The following ARHGAP8 variants were observed in gnomAD, a reference collection of about 807,000 sequenced individuals.
The protein encoded by ARHGAP8 is rho GTPase-activating protein 8.
In ARHGAP8, 62 loss-of-function variants were observed where a neutral mutation model predicts 46.1. The ratio of observed to expected loss-of-function variants is 1.34; its 90% CI spans 1.10 to 1.66. The LOEUF (loss-of-function observed/expected upper bound fraction) is 1.66, where lower values mean the gene tolerates loss of function less well. Among genes scored for constraint, ARHGAP8 ranks in the 40% most tolerant of loss-of-function variants. The pLI is 0.00. For synonymous variants in ARHGAP8, 375 were observed against 243.1 expected, an observed-to-expected ratio of 1.54 and a Z score of -5.05; for missense variants, 923 against 568.4, an observed-to-expected ratio of 1.62 and a Z score of -6.34.
intron 4 of ARHGAP8, among the ~76,000 whole-genome samples, chr22:44,810,645 A>G (rs1470807026): frequency 2.0e-5 from 3 of 152,234 alleles, no homozygotes; most frequent in Non-Finnish European, 4.4e-5. Flanking sequence ...GCATGGAGGA[A>G]GCAGCCTTTG....
chr22:44,791,510 C>A (rs1927685591), intron 2 of ARHGAP8, among the ~76,000 whole-genome samples: 1 of 152,052 alleles, frequency 6.6e-6, no homozygotes, highest in Non-Finnish European at 1.5e-5. Flanking sequence ...TCGAGACCAG[C>A]CTGACCAATA....
intron 2 of ARHGAP8, among the ~76,000 whole-genome samples, chr22:44,790,607 C>T (rs111522439): frequency 0.062 from 8,800 of 142,092 alleles, 398 homozygotes; most frequent in African/African-American, 0.13. Context: ...ACCCGGGAGA[C>T]CGAGGTTGCA....
intron 11 of ARHGAP8, among the ~76,000 whole-genome samples, chr22:44,860,961 G>C (rs1275182563): frequency 6.6e-6 from 1 of 151,508 alleles, no homozygotes; most frequent in Non-Finnish European, 1.5e-5. Flanking sequence ...TCTCCCTGTT[G>C]CTTGACATAA....
intron 8 of ARHGAP8, among the ~76,000 whole-genome samples, chr22:44,847,214 G>A (rs559712255): frequency 5.6e-4 from 85 of 152,350 alleles, no homozygotes; most frequent in African/African-American, 1.9e-3. Flanking sequence ...AAGCCAGCAG[G>A]GGCCTGGCCA....
chr22:44,822,797 A>G (rs1281717111), intron 6 of ARHGAP8, among the ~76,000 whole-genome samples: 2 of 152,162 alleles, frequency 1.3e-5, no homozygotes, highest in African/African-American at 4.8e-5. Flanking sequence ...AAATTAGGAG[A>G]ATTTCCCAGG....
chr22:44,770,782 A>C (rs1244961534), intron 1 of ARHGAP8, among the ~76,000 whole-genome samples: 1 of 152,198 alleles, frequency 6.6e-6, no homozygotes, highest in African/African-American at 2.4e-5. Context: ...CCTCCAGGAC[A>C]ATGGCTGGTG....
At chr22:44,837,761 C>T (rs141311560) in intron 7 of ARHGAP8, among the ~76,000 whole-genome samples, 10 of 152,066 alleles carry the variant, frequency 6.6e-5, no homozygotes, top group Non-Finnish European at 4.4e-5. Flanking sequence ...AGTAGTAATT[C>T]GATGCCGGGG....
chr22:44,785,158 A>T (rs6007292), intron 1 of ARHGAP8, among the ~76,000 whole-genome samples: 3 of 151,994 alleles, frequency 2.0e-5, no homozygotes. Flanking sequence ...CTCAAACCTG[A>T]CTTTGCATCA....
chr22:44,775,624 A>G (rs913156603), intron 1 of ARHGAP8, among the ~76,000 whole-genome samples: 3 of 151,740 alleles, frequency 2.0e-5, no homozygotes, highest in Admixed American at 1.3e-4. Context: ...ATTTTTTTGT[A>G]TTATTAGTAG....
intron 1 of ARHGAP8, among the ~76,000 whole-genome samples, chr22:44,752,942 C>T (rs1027895650): frequency 6.6e-6 from 1 of 151,978 alleles, no homozygotes; most frequent in Non-Finnish European, 1.5e-5. Context: ...GCCCTCGCCT[C>T]TCTCAGCCTG....
intron 2 of ARHGAP8, chr22:44,801,793 A>T (rs1306861719): frequency 1.2e-5 from 5 of 405,844 alleles, no homozygotes; most frequent in Non-Finnish European, 2.2e-5. Flanking sequence ...GCCGCCTGCC[A>T]GCTGGCTCTG....
intron 3 of ARHGAP8, among the ~76,000 whole-genome samples, chr22:44,807,193 A>G (rs1266566619): frequency 6.6e-6 from 1 of 152,164 alleles, no homozygotes; most frequent in Admixed American, 6.5e-5. Flanking sequence ...GAACCTGGAC[A>G]ACCTGAGCTG....
chr22:44,783,921 C>A (rs923380763), intron 1 of ARHGAP8, among the ~76,000 whole-genome samples: 1 of 152,116 alleles, frequency 6.6e-6, no homozygotes, highest in African/African-American at 2.4e-5. Flanking sequence ...TTGACTCAGC[C>A]CTTCCTGCCT....
chr22:44,768,712 C>G (rs1031585452), intron 1 of ARHGAP8, among the ~76,000 whole-genome samples: 1 of 152,116 alleles, frequency 6.6e-6, no homozygotes, highest in African/African-American at 2.4e-5. Context: ...GGCAAGAGTT[C>G]CTTACAGCCC....
intron 1 of ARHGAP8, among the ~76,000 whole-genome samples, chr22:44,783,009 C>T (rs563222714): frequency 1.3e-5 from 2 of 152,084 alleles, no homozygotes; most frequent in East Asian, 1.9e-4. Context: ...GGATGGTTCC[C>T]GCAGTGGGCC....
chr22:44,858,278 G>A (rs1400518080), intron 10 of ARHGAP8, among the ~76,000 whole-genome samples: 1 of 152,110 alleles, frequency 6.6e-6, no homozygotes, highest in South Asian at 2.1e-4. Context: ...CAGTAGCATA[G>A]GCATGCATGT....
At chr22:44,758,429 G>T (rs1034363467) in intron 1 of ARHGAP8, among the ~76,000 whole-genome samples, 3 of 152,106 alleles carry the variant, frequency 2.0e-5, no homozygotes, top group African/African-American at 7.2e-5. Flanking sequence ...CTCAAAGAAA[G>T]GAGGCATCTG....
chr22:44,821,168 A>G (rs1374781342), intron 5 of ARHGAP8, among the ~76,000 whole-genome samples: 1 of 152,216 alleles, frequency 6.6e-6, no homozygotes, highest in Non-Finnish European at 1.5e-5. Flanking sequence ...ACGGTGGCTC[A>G]TGCCTGTAAT....
At chr22:44,844,750 A>G (rs1008791565) in intron 7 of ARHGAP8, among the ~76,000 whole-genome samples, 3 of 152,362 alleles carry the variant, frequency 2.0e-5, no homozygotes, top group Admixed American at 2.0e-4. Context: ...GGTGTGTGCC[A>G]CCGCACCTGG....
Sources: allele counts gnomAD v4.1 joint callset (sites outside exome capture counted in the v4.1 genomes callset), GRCh38; gene constraint gnomAD v4.1.1; transcripts MANE v1.5; gene names NCBI Gene and HGNC (gene_info 2026-07-23, HGNC 2026-07-21).